Variants in TDRD9 observed in about 807,000 individuals in gnomAD.
TDRD9 encodes the protein ATP-dependent RNA helicase TDRD9.
TDRD9 carries 124 observed loss-of-function variants against 172.6 expected under a neutral mutation model. The ratio of observed to expected loss-of-function variants is 0.72; its 90% CI spans 0.62 to 0.83. The LOEUF (loss-of-function observed/expected upper bound fraction) is 0.83, where lower values mean the gene tolerates loss of function less well. Ranked by LOEUF, TDRD9 falls within the 40% of genes least tolerant of loss-of-function variation. TDRD9 has a pLI of 0.00. For synonymous variants in TDRD9, 619 were observed against 617.1 expected, an observed-to-expected ratio of 1.00 and a Z score of -0.05; for missense variants, 1,479 against 1,714.1, an observed-to-expected ratio of 0.86 and a Z score of 2.42.
At chr14:103,982,778 GT>G (rs1246126430) in intron 7 of TDRD9, among the ~76,000 whole-genome samples, 14 of 152,244 alleles carry the variant, frequency 9.2e-5, no homozygotes, top group African/African-American at 3.4e-4. Flanking sequence ...GCACACGCCT[GT>G]AATCCCAGCT....
intron 1 of TDRD9, chr14:103,941,333 C>A: frequency 8.1e-7 from 1 of 1,236,832 alleles, no homozygotes; most frequent in South Asian, 1.5e-5. Flanking sequence ...AGTTTCTAGT[C>A]AAAATATATG....
intron 3 of TDRD9, among the ~76,000 whole-genome samples, chr14:103,964,373 C>T (rs1474583457): frequency 6.6e-6 from 1 of 152,186 alleles, no homozygotes; most frequent in Non-Finnish European, 1.5e-5. Context: ...AGATTCATTA[C>T]AAAATGTTAA....
chr14:103,968,656 C>T (rs997689489), intron 5 of TDRD9, among the ~76,000 whole-genome samples: 21 of 149,678 alleles, frequency 1.4e-4, no homozygotes, highest in African/African-American at 3.7e-4. Flanking sequence ...ATTAGCCGGG[C>T]GTGGTGGCGG....
chr14:104,037,833 G>A (rs912400505), intron 32 of TDRD9, among the ~76,000 whole-genome samples: 5 of 152,128 alleles, frequency 3.3e-5, no homozygotes, highest in Non-Finnish European at 5.9e-5. Flanking sequence ...ATCTGTCCCC[G>A]GAGTGCGTCA....
At chr14:103,941,551 C>A in intron 1 of TDRD9, 1 of 1,535,178 alleles carries the variant, frequency 6.5e-7, no homozygotes. Context: ...TGTTCATTTT[C>A]GATTTCTTGT....
intron 5 of TDRD9, among the ~76,000 whole-genome samples, chr14:103,968,148 C>G (rs191647507): frequency 6.6e-6 from 1 of 152,196 alleles, no homozygotes; most frequent in Non-Finnish European, 1.5e-5. Flanking sequence ...CTGACTATAT[C>G]CTTTTCTCAA....
chr14:103,964,745 G>T (rs112039434), intron 3 of TDRD9, among the ~76,000 whole-genome samples: 27 of 152,182 alleles, frequency 1.8e-4, no homozygotes, highest in African/African-American at 6.5e-4. Context: ...GAATGGTCTC[G>T]ATCTCTTGAC....
At chr14:103,979,428 A>C (rs1006205382) in intron 7 of TDRD9, among the ~76,000 whole-genome samples, 1 of 152,226 alleles carries the variant, frequency 6.6e-6, no homozygotes, top group Non-Finnish European at 1.5e-5. Context: ...GAACCATGGC[A>C]CTGGCCTCTG....
At chr14:103,974,627 T>C (rs2033163314) in intron 6 of TDRD9, among the ~76,000 whole-genome samples, 2 of 152,148 alleles carry the variant, frequency 1.3e-5, no homozygotes, top group South Asian at 4.2e-4. Flanking sequence ...AGTAACTTAT[T>C]CTTTTTAATT....
At chr14:104,021,138 A>G (rs901165842) in intron 23 of TDRD9, among the ~76,000 whole-genome samples, 1 of 152,152 alleles carries the variant, frequency 6.6e-6, no homozygotes, top group Non-Finnish European at 1.5e-5. Flanking sequence ...GTGAAAGGCA[A>G]AGGGAAGCTG....
intron 1 of TDRD9, among the ~76,000 whole-genome samples, chr14:103,948,054 C>T (rs550305670): frequency 2.0e-5 from 3 of 152,272 alleles, no homozygotes; most frequent in African/African-American, 7.2e-5. Context: ...CACTCTGTTG[C>T]CTAGGCTGGA....
intron 1 of TDRD9, among the ~76,000 whole-genome samples, chr14:103,946,101 G>A (rs1279732985): frequency 1.3e-5 from 2 of 152,048 alleles, no homozygotes; most frequent in Non-Finnish European, 1.5e-5. Context: ...AAGTAGCTGG[G>A]ACTATAGGCA....
intron 1 of TDRD9, among the ~76,000 whole-genome samples, chr14:103,932,448 C>T (rs1397503245): frequency 2.6e-5 from 4 of 151,936 alleles, no homozygotes; most frequent in East Asian, 3.9e-4. Context: ...AGTGTAGTGG[C>T]GCCATCTCGG....
intron 1 of TDRD9, among the ~76,000 whole-genome samples, chr14:103,953,946 G>GA (rs1254854137): frequency 2.0e-5 from 3 of 152,098 alleles, no homozygotes; most frequent in East Asian, 1.9e-4. Flanking sequence ...GACACAGCCA[G>GA]AAAAAATGTT....
At chr14:103,965,215 C>A in intron 3 of TDRD9, 118 bp from the exon 4 acceptor site, 1 of 1,110,160 alleles carries the variant, frequency 9.0e-7, no homozygotes, top group Non-Finnish European at 1.3e-6. Context: ...CCATCTCAAA[C>A]AAAACAAAAC....
At chr14:103,992,265 T>C (rs1357699134) in intron 9 of TDRD9, among the ~76,000 whole-genome samples, 1 of 152,234 alleles carries the variant, frequency 6.6e-6, no homozygotes, top group African/African-American at 2.4e-5. Context: ...ATTCAAATAT[T>C]TTCTGTTGTA....
At chr14:103,986,376 A>C in intron 8 of TDRD9, 56 bp downstream of exon 8, 1 of 1,289,182 alleles carries the variant, frequency 7.8e-7, no homozygotes, top group Non-Finnish European at 1.1e-6. Flanking sequence ...TTAAAAAATT[A>C]TTCATTTGGA....
rs1478665408 is a variant in TDRD9, at chr14:104,040,347, C to T, written c.3855+13C>T. 1.3e-6 allele frequency: 2 copies of T among 1,539,476 alleles called. No homozygotes were observed. Among genetic ancestry groups the T allele is most frequent in the East Asian group, 4.9e-5 (2 of 40,606 alleles). ...GGATGTCGTCGAGGTAAGGGTAGTG[C>T]AGCATCACGGCACCACAACCCTGTC... is the stretch of plus-strand genomic sequence containing the variant. On this transcript the variant is annotated intron_variant, in intron 33 of 35. Coordinates refer to ENST00000409874, the MANE Select transcript of TDRD9 (RefSeq NM_153046.3).
chr14:103,985,998 G>A lies in TDRD9; in HGVS notation c.1012-219G>A, dbSNP rs76086712. Reference sequence around the variant, plus strand: ...GCCATTCTTGCTCTGGTGACTAGGCGAGGAGATTGATGAGTATGGCACTTT... The same window carrying A: ...GCCATTCTTGCTCTGGTGACTAGGCAAGGAGATTGATGAGTATGGCACTTT... On this transcript the variant is annotated intron_variant, in intron 7 of 35. Transcript: ENST00000409874. 8.1e-4 allele frequency among the ~76,000 whole-genome samples: 124 copies of A among 152,310 alleles called. 3 individuals carry two copies. In the East Asian group the frequency reaches 0.022, roughly 27 times the overall value.
Sources: gnomAD v4.1 joint callset for allele counts (sites outside exome capture counted in the v4.1 genomes callset) on GRCh38, gnomAD v4.1.1 for gene constraint, MANE v1.5 for transcripts, NCBI Gene and HGNC (gene_info 2026-07-23, HGNC 2026-07-21) for gene names.